The following DIP2C variants were observed in gnomAD, a reference collection of about 807,000 sequenced individuals.
DIP2C encodes the protein disco-interacting protein 2 homolog C.
In DIP2C, 33 loss-of-function variants were observed where a neutral mutation model predicts 192.4. The ratio of observed to expected loss-of-function variants is 0.17; its 90% CI spans 0.13 to 0.23. The LOEUF (loss-of-function observed/expected upper bound fraction) is 0.23. Ranked by LOEUF, DIP2C falls within the 10% of genes least tolerant of loss-of-function variation. The pLI is 1.00. For synonymous variants in DIP2C, 979 were observed against 864.1 expected (o/e 1.13, Z -2.33); for missense variants, 1,537 against 2,110.1 (o/e 0.73, Z 5.32).
intron 20 of DIP2C, among the ~76,000 whole-genome samples, chr10:364,143 G>A (rs1959889912): frequency 6.6e-6 from 1 of 152,120 alleles, no homozygotes; most frequent in South Asian, 2.1e-4. Flanking sequence ...ATACTTAGAG[G>A]GGAAGTTCAA....
chr10:579,490 A>G (rs911139566), intron 1 of DIP2C, among the ~76,000 whole-genome samples: 2 of 151,608 alleles, frequency 1.3e-5, no homozygotes, highest in Admixed American at 6.6e-5. Flanking sequence ...GTGTACAAAC[A>G]TAAGTGCACT....
intron 3 of DIP2C, among the ~76,000 whole-genome samples, chr10:453,061 TGAA>T (rs1321861084): frequency 6.6e-6 from 1 of 152,194 alleles, no homozygotes; most frequent in Non-Finnish European, 1.5e-5. Flanking sequence ...GCTCATAAGA[TGAA>T]GAACTTTTAG....
chr10:433,308 A>G (rs1392860454), intron 4 of DIP2C, among the ~76,000 whole-genome samples: 2 of 152,168 alleles, frequency 1.3e-5, no homozygotes, highest in Non-Finnish European at 2.9e-5. Context: ...ATCTTCTTGG[A>G]GAAAATAATC....
intron 1 of DIP2C, among the ~76,000 whole-genome samples, chr10:506,753 G>A (rs1845617548): frequency 6.6e-6 from 1 of 152,236 alleles, no homozygotes; most frequent in African/African-American, 2.4e-5. Flanking sequence ...AAAGCACGGA[G>A]GAGGGGCTTA....
At chr10:660,307 C>T (rs1856674674) in intron 1 of DIP2C, among the ~76,000 whole-genome samples, 1 of 151,508 alleles carries the variant, frequency 6.6e-6, no homozygotes, top group Admixed American at 6.6e-5. Context: ...GATTCTAGCC[C>T]TTGTCCCTGT....
At chr10:617,949 T>C (rs1183946597) in intron 1 of DIP2C, among the ~76,000 whole-genome samples, 3 of 152,150 alleles carry the variant, frequency 2.0e-5, no homozygotes, top group African/African-American at 7.2e-5. Flanking sequence ...GGTGTGACAA[T>C]TTAGGAATCC....
chr10:613,129 A>G (rs1588603428), intron 1 of DIP2C, among the ~76,000 whole-genome samples: 1 of 152,206 alleles, frequency 6.6e-6, no homozygotes, highest in Admixed American at 6.5e-5. Context: ...GTCTGCAAAA[A>G]ACAGTCACTC....
At chr10:642,442 G>A (rs1281537162) in intron 1 of DIP2C, among the ~76,000 whole-genome samples, 1 of 152,270 alleles carries the variant, frequency 6.6e-6, no homozygotes, top group Non-Finnish European at 1.5e-5. Flanking sequence ...GCCACACGGG[G>A]CAGGTCACAG....
At chr10:291,901 C>T (rs1039037832) in intron 32 of DIP2C, among the ~76,000 whole-genome samples, 4 of 152,178 alleles carry the variant, frequency 2.6e-5, no homozygotes, top group African/African-American at 4.8e-5. Flanking sequence ...CTGTGGACTC[C>T]GGGAGCCAGA....
chr10:384,211 G>C, intron 15 of DIP2C, 65 bp from the exon 16 acceptor site: 1 of 1,501,770 alleles, frequency 6.7e-7, no homozygotes. Flanking sequence ...TTGCAAAAGA[G>C]AGATCATTGT....
chr10:447,437 TCACA>T (rs1394593590), intron 3 of DIP2C, among the ~76,000 whole-genome samples: 1 of 146,582 alleles, frequency 6.8e-6, no homozygotes, highest in Non-Finnish European at 1.5e-5. Flanking sequence ...ATACTCAGGA[TCACA>T]CACAGTGGGG....
At chr10:517,889 C>T (rs1332389775) in intron 1 of DIP2C, among the ~76,000 whole-genome samples, 1 of 152,006 alleles carries the variant, frequency 6.6e-6, no homozygotes, top group Admixed American at 6.5e-5. Flanking sequence ...CAAATGGAAG[C>T]CTAGGATCCT....
chr10:532,456 C>T, intron 1 of DIP2C, among the ~76,000 whole-genome samples: 1 of 152,170 alleles, frequency 6.6e-6, no homozygotes, highest in East Asian at 1.9e-4. Flanking sequence ...TTAGAGCAAC[C>T]AAAACAGCAT....
intron 1 of DIP2C, among the ~76,000 whole-genome samples, chr10:509,521 A>C (rs1179720922): frequency 6.6e-6 from 1 of 152,176 alleles, no homozygotes; most frequent in Admixed American, 6.5e-5. Context: ...TCCGCAGCGG[A>C]AACTCACACA....
intron 4 of DIP2C, among the ~76,000 whole-genome samples, chr10:428,669 C>A (rs1966749367): frequency 6.6e-6 from 1 of 152,072 alleles, no homozygotes; most frequent in Non-Finnish European, 1.5e-5. Context: ...CGGGGCTGGA[C>A]ACAGGTGTTT....
chr10:401,246 C>T (rs1055383138), intron 9 of DIP2C, among the ~76,000 whole-genome samples: 1 of 151,480 alleles, frequency 6.6e-6, no homozygotes, highest in Non-Finnish European at 1.5e-5. Flanking sequence ...TTCATCAGCC[C>T]ATGAATCCTA....
intron 1 of DIP2C, among the ~76,000 whole-genome samples, chr10:562,530 T>C (rs765975064): frequency 6.6e-6 from 1 of 152,272 alleles, no homozygotes; most frequent in Admixed American, 6.5e-5. Flanking sequence ...TTCTGTACAT[T>C]CACTCTCATT....
At chr10:639,772 A>G (rs1324437715) in intron 1 of DIP2C, among the ~76,000 whole-genome samples, 1 of 152,212 alleles carries the variant, frequency 6.6e-6, no homozygotes, top group Non-Finnish European at 1.5e-5. Context: ...AGGCCCTAAT[A>G]TATTTAGTTC....
intron 3 of DIP2C, among the ~76,000 whole-genome samples, chr10:469,489 G>A (rs951860717): frequency 6.6e-6 from 1 of 151,886 alleles, no homozygotes; most frequent in African/African-American, 2.4e-5. Context: ...GCTAATTTTT[G>A]TATTTTTCAT....
Sources: gnomAD v4.1 joint callset for allele counts (sites outside exome capture counted in the v4.1 genomes callset) on GRCh38, gnomAD v4.1.1 for gene constraint, MANE v1.5 for transcripts, NCBI Gene and HGNC (gene_info 2026-07-23, HGNC 2026-07-21) for gene names.